Variants in KICS2 observed in about 807,000 individuals in gnomAD.
KICS2 encodes the protein KICSTOR complex protein C12orf66.
KICS2 carries 13 observed loss-of-function variants against 31.4 expected under a neutral mutation model. That is an observed-to-expected ratio of 0.41 (90% CI 0.27 to 0.66). KICS2 has a LOEUF of 0.66. Among genes scored for constraint, KICS2 ranks in the 30% least tolerant of loss-of-function variants. KICS2 has a pLI of 0.28. For missense variants in KICS2, 455 were observed against 545.4 expected (o/e 0.83, Z 1.65); for synonymous variants, 209 against 214.8 (o/e 0.97, Z 0.24).
intron 2 of KICS2, among the ~76,000 whole-genome samples, chr12:64,205,860 C>G (rs768748001): frequency 7.4e-5 from 11 of 149,522 alleles, no homozygotes; most frequent in Non-Finnish European, 1.3e-4. Context: ...TATTCTAATG[C>G]AACACAAAAC....
intron 2 of KICS2, among the ~76,000 whole-genome samples, chr12:64,202,241 A>T (rs1205823786): frequency 1.3e-5 from 2 of 152,086 alleles, no homozygotes; most frequent in Non-Finnish European, 2.9e-5. Flanking sequence ...CTCCATCTCT[A>T]CAAAACATTC....
At chr12:64,210,751 T>C (rs2037575477) in intron 2 of KICS2, among the ~76,000 whole-genome samples, 1 of 152,170 alleles carries the variant, frequency 6.6e-6, no homozygotes, top group South Asian at 2.1e-4. Context: ...AACTCTAGCC[T>C]GGGTGACAGA....
At chr12:64,200,977 A>G (rs2037482160) in intron 2 of KICS2, among the ~76,000 whole-genome samples, 1 of 86,570 alleles carries the variant, frequency 1.2e-5, no homozygotes, top group Non-Finnish European at 2.3e-5. Context: ...GAGGATGTGG[A>G]GAAATAGGAA....
In KICS2 at chr12:64,222,209, G is replaced by T. The variant is rs1391163236; in HGVS notation, c.29C>A (p.Pro10Gln). 1.9e-6 allele frequency: 3 copies of T among 1,613,992 alleles called. No individual in the cohort carries two copies. Among genetic ancestry groups the T allele is most frequent in the Admixed American group, 1.7e-5 (1 of 60,022 alleles). Residue 10 changes from proline to glutamine, a missense_variant, in exon 1 of 3, where the codon CCG (proline) becomes CAG (glutamine). Physicochemically the swap from Pro to Gln is moderately conservative, Grantham distance 76. Transcript: ENST00000398055. ...CAGCACCGCCTGTTCCACCGGGACC[G>T]GGGCGGCCAGCGGGATAGACTCCCC... The part of the protein sequence containing the change: MGESIPLAA[P>Q]VPVEQAVLET...
intron 1 of KICS2, among the ~76,000 whole-genome samples, chr12:64,218,745 CT>C (rs1285315953): frequency 6.6e-6 from 1 of 151,898 alleles, no homozygotes; most frequent in Admixed American, 6.6e-5. Flanking sequence ...CAGATTACCC[CT>C]ATCTGGGGGA....
Position 64,191,289 on chromosome 12 carries a change from A to G in KICS2, c.*2553T>C, listed in dbSNP as rs536683666. On this transcript the variant is annotated 3_prime_UTR_variant, in exon 3 of 3. Coordinates refer to ENST00000398055, the MANE Select transcript of KICS2 (RefSeq NM_152440.5). ...TTCAAAAACTCTTCCAGTACAGTCT[A>G]TGACAGCTGCACAGTAATACATATT... The G allele has an allele frequency of 6.6e-6, 1 of 152,286 alleles. No homozygotes were observed. Among genetic ancestry groups the G allele is most frequent in the African/African-American group, 2.4e-5 (1 of 41,540 alleles). 9.4% of individuals were successfully genotyped at this position (152,286 alleles called of 1,614,324 possible). A position where few individuals can be genotyped will look rare whatever the true frequency, so the allele number is the denominator to read the frequency against.
rs2037421005 is a variant in KICS2, at chr12:64,195,073, C to T, written c.522-415G>A. Among the ~76,000 whole-genome samples, 4 of 152,024 alleles carry T rather than the reference C, an allele frequency of 2.6e-5. No homozygotes were observed. The South Asian group carries it at 8.3e-4, about 32-fold the overall frequency. On this transcript the variant is annotated intron_variant, in intron 2 of 2. Coordinates refer to ENST00000398055, the MANE Select transcript of KICS2 (RefSeq NM_152440.5). ...CCTCTTGCCTTAGCATCCCAAGCAG[C>T]TGAGAACATAGGCACACACTCCATT... is the stretch of plus-strand genomic sequence containing the variant.
chr12:64,195,713 C>T (rs949225538), intron 2 of KICS2, among the ~76,000 whole-genome samples: 2 of 152,248 alleles, frequency 1.3e-5, no homozygotes, highest in African/African-American at 4.8e-5. Flanking sequence ...CTAGGGAGTG[C>T]CAGACAGTGG....
chr12:64,222,116 C>G lies in KICS2; in HGVS notation c.122G>C (p.Arg41Pro). ...GCCCCCCGCGCTCTTGTTGGCCTCT[C>G]GTTCCTTCTCCACATTGTCCTTAGC... ...DKAKDNVEKE[R>P]EANKSAGGSW... Residue 41 changes from arginine (R) to proline (P), a missense_variant, in exon 1 of 3, where the codon CGA becomes CCA. Coordinates refer to ENST00000398055, the MANE Select transcript of KICS2 (RefSeq NM_152440.5). 1 of 1,614,074 alleles carries G rather than the reference C, an allele frequency of 6.2e-7. No individual in the cohort carries two copies. The highest frequency in any genetic ancestry group is 8.5e-7 in the Non-Finnish European group (1 of 1,179,968).
intron 2 of KICS2, among the ~76,000 whole-genome samples, chr12:64,212,372 T>C (rs1254152239): frequency 1.3e-5 from 2 of 152,222 alleles, no homozygotes; most frequent in African/African-American, 4.8e-5. Context: ...CTACTTGCTG[T>C]GTCTATGACT....
intron 2 of KICS2, among the ~76,000 whole-genome samples, chr12:64,212,736 T>C (rs1159108062): frequency 6.6e-6 from 1 of 152,164 alleles, no homozygotes; most frequent in Non-Finnish European, 1.5e-5. Flanking sequence ...ACTATGTTCA[T>C]TATACTATAT....
At position 64,191,143 on chromosome 12, in the gene KICS2, A is replaced by T. The variant is rs987557154; in HGVS notation, c.*2699T>A. The T allele has an allele frequency of 6.6e-6, 1 of 152,256 alleles. No individual in the cohort carries two copies. Among genetic ancestry groups the T allele is most frequent in the Non-Finnish European group, 1.5e-5 (1 of 68,040 alleles). The allele number at this position is 152,256 out of a possible 1,614,324, so 9.4% of individuals were successfully genotyped here. ...TTACAGATCTCATTACTATATTTAG[A>T]GAATAAATCTTAGAGTAAAATGACT... On this transcript the variant is annotated 3_prime_UTR_variant, in exon 3 of 3. Coordinates refer to ENST00000398055, the MANE Select transcript of KICS2 (RefSeq NM_152440.5).
rs2037411088 is a variant in KICS2, at chr12:64,194,324, T to C, written c.856A>G (p.Met286Val). 1.2e-6 allele frequency: 2 copies of C among 1,614,188 alleles called. No homozygotes were observed. Among genetic ancestry groups the C allele is most frequent in the Non-Finnish European group, 1.7e-6 (2 of 1,180,040 alleles). ...ALSRQTTASE[M>V]KTLTAKANPD... Reference sequence around the variant, plus strand: ...TTAGCTTTTGCTGTCAACGTTTTCATTTCTGAAGCAGTCGTTTGTCGGCTC... The same window carrying C: ...TTAGCTTTTGCTGTCAACGTTTTCACTTCTGAAGCAGTCGTTTGTCGGCTC... The change falls in exon 3 of 3, where the codon ATG (methionine) becomes GTG (valine). Residue 286 changes from methionine (M) to valine (V), a missense_variant. Physicochemically the swap from Met to Val is conservative, Grantham distance 21. Coordinates refer to ENST00000398055, the MANE Select transcript of KICS2 (RefSeq NM_152440.5).
At chr12:64,202,851 CA>C (rs911202066) in intron 2 of KICS2, among the ~76,000 whole-genome samples, 1 of 151,794 alleles carries the variant, frequency 6.6e-6, no homozygotes, top group Admixed American at 6.6e-5. Context: ...CTTCTAGGCA[CA>C]GGGAAAAAAG....
At chr12:64,216,146 T>TATAAATACTTTATGATA (rs2037627222) in intron 1 of KICS2, among the ~76,000 whole-genome samples, 183 bp from the exon 2 acceptor site, 1 of 144,984 alleles carries the variant, frequency 6.9e-6, no homozygotes, top group Non-Finnish European at 1.5e-5. Flanking sequence ...ACTTTATGAT[T>TATAAATACTTTATGATA]ATCATAAATA....
chr12:64,187,719 C>A, downstream of KICS2: 1 of 1,304,346 alleles, frequency 7.7e-7, no homozygotes, highest in Non-Finnish European at 1.0e-6. Flanking sequence ...TGGGGAGTCA[C>A]ATAGCATGTT....
At chr12:64,188,151 G>A (rs2037353030), downstream of KICS2, among the ~76,000 whole-genome samples, 1 of 152,198 alleles carries the variant, frequency 6.6e-6, no homozygotes, top group Non-Finnish European at 1.5e-5. Context: ...GAGACTACTG[G>A]TGTATGTCCT....
intron 1 of KICS2, among the ~76,000 whole-genome samples, chr12:64,216,500 T>C (rs1360977946): frequency 2.6e-5 from 4 of 152,180 alleles, no homozygotes; most frequent in Admixed American, 1.3e-4. Context: ...TTTTAGATCA[T>C]ACCAGAAAAT....
intron 2 of KICS2, among the ~76,000 whole-genome samples, chr12:64,214,276 A>G (rs1417792191): frequency 6.6e-6 from 1 of 152,228 alleles, no homozygotes; most frequent in Non-Finnish European, 1.5e-5. Flanking sequence ...GATGGAGCTC[A>G]CATTCTAGTT....
Sources: allele counts gnomAD v4.1 joint callset (sites outside exome capture counted in the v4.1 genomes callset), GRCh38; gene constraint gnomAD v4.1.1; transcripts MANE v1.5; gene names NCBI Gene and HGNC (gene_info 2026-07-23, HGNC 2026-07-21).